The following WDR17 variants were observed in gnomAD, a reference collection of about 807,000 sequenced individuals.
WDR17 encodes the protein WD repeat domain 17, also known as WD repeat-containing protein 17.
Under a neutral mutation model 161.7 loss-of-function variants are expected in WDR17, and 143 were observed. That is an observed-to-expected ratio of 0.88 (90% CI 0.77 to 1.02). The LOEUF (loss-of-function observed/expected upper bound fraction) is 1.02. Ranked by LOEUF, WDR17 falls within the 50% of genes least tolerant of loss-of-function variation. The pLI is 0.00. For synonymous variants in WDR17, 517 were observed against 515.6 expected, an observed-to-expected ratio of 1.00 and a Z score of -0.04; for missense variants, 1,469 against 1,520.9, an observed-to-expected ratio of 0.97 and a Z score of 0.57.
In WDR17 at chr4:176,130,477, G is replaced by A. The variant is rs181263112; in HGVS notation, c.914-1077G>A. ...TACTGAGAAATGGCCGGGCGCGGTGGCTCATGCCTGTAATCCCAGCACTTC... is the reference window on the plus strand; with the variant it reads ...TACTGAGAAATGGCCGGGCGCGGTGACTCATGCCTGTAATCCCAGCACTTC... On this transcript the variant is annotated intron_variant, in intron 6 of 28. Coordinates refer to ENST00000508596, the MANE Select transcript of WDR17 (RefSeq NM_181265.4). Among the ~76,000 whole-genome samples, 1,229 of 152,232 alleles carry A rather than the reference G, an allele frequency of 8.1e-3. 7 individuals are homozygous for A. The highest frequency in any genetic ancestry group is 0.017 in the Middle Eastern group (5 of 294).
chr4:176,120,216 T>C, intron 4 of WDR17, 119 bp downstream of exon 4: 1 of 667,270 alleles, frequency 1.5e-6, no homozygotes, highest in Non-Finnish European at 2.4e-6. Context: ...AGTGACAAAA[T>C]TTTAATTTTG....
chr4:176,135,100 A>G lies in WDR17; in HGVS notation c.1099-8A>G, dbSNP rs779549671. On this transcript the variant is annotated splice_region_variant and splice_polypyrimidine_tract_variant and intron_variant, in intron 7 of 28. Transcript: ENST00000508596. ...AATAATTATGACTTTTTTATGCCATATTCCTAGGGACATGTGGAAACTATC... is the reference window on the plus strand; with the variant it reads ...AATAATTATGACTTTTTTATGCCATGTTCCTAGGGACATGTGGAAACTATC... The G allele has an allele frequency of 3.1e-6, 5 of 1,610,814 alleles. No homozygotes were observed. The East Asian group carries it at 1.1e-4, about 36-fold the overall frequency.
chr4:176,149,886 A>G lies in WDR17; in HGVS notation c.1977A>G (p.Thr659=). The change falls in exon 14 of 29, where the codon ACA becomes ACG. Residue 659 remains threonine (T), a synonymous_variant. Transcript: ENST00000508596. ...RDSTVRLWSL[T]ALVTPVQINI... The stretch of plus-strand genomic sequence containing the variant: ...CTACAGTGAGACTCTGGTCATTAAC[A>G]GCCTTAGTCACTCCTGTACAAATAA... The G allele has an allele frequency of 6.2e-7, 1 of 1,614,080 alleles. No individual in the cohort carries two copies. The highest frequency in any genetic ancestry group is 8.5e-7 in the Non-Finnish European group (1 of 1,180,012).
chr4:176,085,891 T>C (rs1341599178), intron 1 of WDR17, among the ~76,000 whole-genome samples: 2 of 152,054 alleles, frequency 1.3e-5, no homozygotes, highest in African/African-American at 4.8e-5. Context: ...TCTTTGACTT[T>C]TCTTCCTTTT....
At chr4:176,095,874 T>G (rs1286387818) in intron 1 of WDR17, among the ~76,000 whole-genome samples, 3 of 152,134 alleles carry the variant, frequency 2.0e-5, no homozygotes, top group Admixed American at 2.0e-4. Flanking sequence ...GGCTAGTAAA[T>G]ATTTCCTTCT....
At chr4:176,074,618 G>C (rs1423676088) in intron 1 of WDR17, among the ~76,000 whole-genome samples, 1 of 151,518 alleles carries the variant, frequency 6.6e-6, no homozygotes, top group South Asian at 2.1e-4. Flanking sequence ...ACCACACCTG[G>C]CTAATTTTTG....
chr4:176,117,740 T>C (rs768063726), intron 3 of WDR17, among the ~76,000 whole-genome samples: 2 of 152,092 alleles, frequency 1.3e-5, no homozygotes, highest in Admixed American at 6.5e-5. Flanking sequence ...ATTTTTCATG[T>C]TTTTCCTTTC....
At chr4:176,067,069 G>A (rs1732624351) in intron 1 of WDR17, among the ~76,000 whole-genome samples, 2 of 152,154 alleles carry the variant, frequency 1.3e-5, no homozygotes, top group African/African-American at 2.4e-5. Flanking sequence ...CTGCTTGCCA[G>A]GAGCTGATGC....
intron 1 of WDR17, among the ~76,000 whole-genome samples, chr4:176,066,558 A>G (rs1578959188): frequency 6.6e-6 from 1 of 152,298 alleles, no homozygotes; most frequent in South Asian, 2.1e-4. Context: ...AGGCAGGTAT[A>G]CTATTTATTA....
chr4:176,160,841 A>G (rs1176264970), intron 19 of WDR17, 70 bp from the exon 20 acceptor site: 1 of 1,304,348 alleles, frequency 7.7e-7, no homozygotes, highest in Non-Finnish European at 1.0e-6. Context: ...TTTGCTCAAA[A>G]TCATATTCTG....
chr4:176,074,579 C>T lies in WDR17; in HGVS notation c.-7+8500C>T, dbSNP rs574948762. ...TCACGTGGTCCTCACACCTCAGCCTCATGAGTAGCTGCGACTAGAGGTGCA... is the reference window on the plus strand; with the variant it reads ...TCACGTGGTCCTCACACCTCAGCCTTATGAGTAGCTGCGACTAGAGGTGCA... On this transcript the variant is annotated intron_variant, in intron 1 of 28. Coordinates refer to ENST00000508596, the MANE Select transcript of WDR17 (RefSeq NM_181265.4). Among the ~76,000 whole-genome samples, 13 of 151,938 alleles carry T rather than the reference C, an allele frequency of 8.6e-5. No homozygotes were observed. In the South Asian group the frequency reaches 2.3e-3, roughly 27 times the overall value.
intron 23 of WDR17, 146 bp downstream of exon 23, chr4:176,168,929 A>G (rs1262742485): frequency 4.8e-5 from 39 of 805,354 alleles, no homozygotes; most frequent in Non-Finnish European, 7.1e-5. Flanking sequence ...GTGTTGTACA[A>G]TAGGAAGTAA....
At chr4:176,085,119 G>T in intron 1 of WDR17, among the ~76,000 whole-genome samples, 1 of 151,634 alleles carries the variant, frequency 6.6e-6, no homozygotes, top group African/African-American at 2.4e-5. Flanking sequence ...AATTTGCTTG[G>T]CACTTTTCAT....
chr4:176,077,715 A>G (rs757143004), intron 1 of WDR17, among the ~76,000 whole-genome samples: 5 of 152,068 alleles, frequency 3.3e-5, no homozygotes, highest in Non-Finnish European at 5.9e-5. Flanking sequence ...TGTATGTATC[A>G]TTCATAACTA....
intron 24 of WDR17, 59 bp from the exon 25 acceptor site, chr4:176,173,208 G>A: frequency 1.8e-6 from 2 of 1,131,328 alleles, no homozygotes; most frequent in Non-Finnish European, 2.6e-6. Flanking sequence ...GTTAAAAATG[G>A]ATGAATAAAT....
intron 22 of WDR17, among the ~76,000 whole-genome samples, chr4:176,165,592 C>T (rs1274178561): frequency 6.6e-6 from 1 of 152,110 alleles, no homozygotes; most frequent in African/African-American, 2.4e-5. Context: ...GTATTATATA[C>T]TGTATTCTTA....
intron 26 of WDR17, among the ~76,000 whole-genome samples, chr4:176,176,495 C>T (rs1305586298): frequency 6.6e-6 from 1 of 152,140 alleles, no homozygotes; most frequent in African/African-American, 2.4e-5. Context: ...TATACGGTGT[C>T]CTTCAGAAAC....
intron 1 of WDR17, among the ~76,000 whole-genome samples, chr4:176,110,358 C>T (rs1462657113): frequency 6.6e-6 from 1 of 152,012 alleles, no homozygotes; most frequent in African/African-American, 2.4e-5. Flanking sequence ...AGCCTCCTGA[C>T]GTCGTGATCC....
At chr4:176,079,180 A>G (rs753002022) in intron 1 of WDR17, among the ~76,000 whole-genome samples, 5 of 152,084 alleles carry the variant, frequency 3.3e-5, no homozygotes, top group South Asian at 2.1e-4. Flanking sequence ...AGGCTTATCT[A>G]TGTTGCCATG....
Sources: allele counts gnomAD v4.1 joint callset (sites outside exome capture counted in the v4.1 genomes callset), GRCh38; gene constraint gnomAD v4.1.1; transcripts MANE v1.5; gene names NCBI Gene and HGNC (gene_info 2026-07-23, HGNC 2026-07-21).